The following FHIP2B variants were observed in gnomAD, a reference collection of about 807,000 sequenced individuals.
FHIP2B encodes FHF complex subunit HOOK interacting protein 2B, also known as FHF complex subunit HOOK-interacting protein 2B.
Under a neutral mutation model 84.0 loss-of-function variants are expected in FHIP2B, and 72 were observed. The observed-to-expected ratio is 0.86, with a 90% CI of 0.71 to 1.04. The LOEUF is 1.04. Among genes scored for constraint, FHIP2B ranks in the 50% least tolerant of loss-of-function variants. FHIP2B has a pLI of 0.00. For synonymous variants in FHIP2B, 497 were observed against 418.7 expected (o/e 1.19, Z -2.28); for missense variants, 972 against 968.9 (o/e 1.00, Z -0.04).
rs775878886 is a variant in FHIP2B, at chr8:22,098,126, A to G, written c.584A>G (p.Asp195Gly). The G allele has an allele frequency of 1.3e-6, 2 of 1,586,382 alleles. No homozygotes were observed. The highest frequency in any genetic ancestry group is 2.3e-5 in the South Asian group (2 of 87,170). Reference protein sequence around the residue: ...ACGEPTALPKDTTSHGDKDCS... With the variant: ...ACGEPTALPKGTTSHGDKDCS... ...GGAGAACCCACTGCCCTGCCTAAGG[A>G]CACAACCAGCCACGGGGACAAGGAC... Residue 195 changes from aspartate (D) to glycine (G), a missense_variant, in exon 6 of 17, where the codon GAC (aspartate) becomes GGC (glycine). Asp to Gly is a moderately conservative substitution (Grantham distance 94, BLOSUM62 -1). Coordinates refer to ENST00000289921, the MANE Select transcript of FHIP2B (RefSeq NM_022749.7).
Position 22,101,485 on chromosome 8 carries a change from G to A in FHIP2B, c.1662G>A (p.Leu554=). ...VPEEAKTSAF[L]EETGYDTYVH... Reference sequence around the variant, plus strand: ...AGGAAGCCAAGACCTCTGCCTTCCTGGAGGAGACAGGCTATGACACATACG... The same window carrying A: ...AGGAAGCCAAGACCTCTGCCTTCCTAGAGGAGACAGGCTATGACACATACG... Residue 554 remains leucine, a synonymous_variant, in exon 13 of 17, where the codon CTG becomes CTA. Transcript: ENST00000289921. 1 of 1,612,882 alleles carries A rather than the reference G, an allele frequency of 6.2e-7. No homozygotes were observed. The highest frequency in any genetic ancestry group is 8.5e-7 in the Non-Finnish European group (1 of 1,179,322).
At chr8:22,100,804 A>G (rs1396670211) in intron 11 of FHIP2B, 40 bp from the exon 12 acceptor site, 5 of 1,613,166 alleles carry the variant, frequency 3.1e-6, no homozygotes, top group South Asian at 1.1e-5. Flanking sequence ...CACTCTGTCC[A>G]TTCATTCACT....
intron 1 of FHIP2B, among the ~76,000 whole-genome samples, chr8:22,093,708 C>CTTTTT (rs59841460): frequency 0.14 from 9,199 of 66,292 alleles, 2,804 homozygotes; most frequent in African/African-American, 0.16. Flanking sequence ...AAAGCTTTGT[C>CTTTTT]TTTTTTTTTT....
intron 1 of FHIP2B, among the ~76,000 whole-genome samples, chr8:22,093,316 GTGTTGT>G (rs200310668): frequency 9.2e-5 from 14 of 151,360 alleles, no homozygotes; most frequent in African/African-American, 1.7e-4. Flanking sequence ...CGAAGGAATG[GTGTTGT>G]TGTTGTTGTT....
intron 9 of FHIP2B, 143 bp downstream of exon 9, chr8:22,099,503 GC>G: frequency 9.1e-7 from 1 of 1,093,528 alleles, no homozygotes; most frequent in Non-Finnish European, 1.3e-6. Context: ...TGCCAGGCCT[GC>G]CCCATGATGT....
At chr8:22,098,710 T>C (rs1375494977) in intron 7 of FHIP2B, 91 bp downstream of exon 7, 2 of 1,333,600 alleles carry the variant, frequency 1.5e-6, no homozygotes, top group Non-Finnish European at 2.0e-6. Context: ...GGGTTCCACG[T>C]TGCTAGGGAC....
chr8:22,097,905 T>A, intron 5 of FHIP2B, 66 bp downstream of exon 5: 1 of 1,585,330 alleles, frequency 6.3e-7, no homozygotes, highest in Non-Finnish European at 8.6e-7. Flanking sequence ...CCCTCTGCCC[T>A]CCTGAGGAGG....
At chr8:22,092,136 A>G (rs1825523877) in intron 1 of FHIP2B, among the ~76,000 whole-genome samples, 2 of 152,228 alleles carry the variant, frequency 1.3e-5, no homozygotes, top group African/African-American at 4.8e-5. Flanking sequence ...GCAAGAAGAC[A>G]AGATGCCCTG....
At position 22,098,279 on chromosome 8, in the gene FHIP2B, T is replaced by C. The variant is rs1028441106; in HGVS notation, c.737T>C (p.Ile246Thr). ...GGTGGGACCACAGAGAGCAACCTGATTACCTCCCTGCTTGGGCTGTGCCAG... is the reference window on the plus strand; with the variant it reads ...GGTGGGACCACAGAGAGCAACCTGACTACCTCCCTGCTTGGGCTGTGCCAG... The part of the protein sequence containing the change: ...LDGGTTESNL[I>T]TSLLGLCQSK... The change falls in exon 6 of 17, where the codon ATT becomes ACT. Residue 246 changes from isoleucine (I) to threonine (T), a missense_variant. By Grantham distance (89) the Ile-to-Thr change is moderately conservative. Transcript: ENST00000289921. The C allele has an allele frequency of 1.3e-6, 2 of 1,580,180 alleles. No homozygotes were observed. The highest frequency in any genetic ancestry group is 1.7e-6 in the Non-Finnish European group (2 of 1,162,632).
At chr8:22,100,539 C>T (rs1321314670) in intron 10 of FHIP2B, 55 bp from the exon 11 acceptor site, 4 of 1,482,424 alleles carry the variant, frequency 2.7e-6, no homozygotes, top group East Asian at 2.4e-5. Flanking sequence ...TGCCAAGGCA[C>T]CCCTGGGAGC....
rs1825900992 is a variant in FHIP2B at position 22,098,268 on chromosome 8, G to A, written c.726G>A (p.Glu242=). The A allele has an allele frequency of 1.3e-6, 2 of 1,584,644 alleles. No individual in the cohort carries two copies. Among genetic ancestry groups the A allele is most frequent in the Non-Finnish European group, 1.7e-6 (2 of 1,165,806 alleles). ...AGGAGCTGGACGGTGGGACCACAGA[G>A]AGCAACCTGATTACCTCCCTGCTTG... The part of the protein sequence containing the change: ...ETEELDGGTT[E]SNLITSLLGL... The change falls in exon 6 of 17, where the codon GAG becomes GAA. Residue 242 remains glutamate, a synonymous_variant. Transcript: ENST00000289921.
chr8:22,101,281 C>T lies in FHIP2B; in HGVS notation c.1617-159C>T, dbSNP rs145999636. ...CAGGTGATCCGCCCACCTCAGCCTCCCAAAGTGCTGGGATTACAGACATGA... is the reference window on the plus strand; with the variant it reads ...CAGGTGATCCGCCCACCTCAGCCTCTCAAAGTGCTGGGATTACAGACATGA... On this transcript the variant is annotated intron_variant, in intron 12 of 16. Transcript: ENST00000289921. 5.2e-4 allele frequency: 352 copies of T among 673,724 alleles called. 1 individual carries two copies. The African/African-American group carries it at 6.0e-3, about 11-fold the overall frequency. 41.7% of individuals were successfully genotyped at this position (673,724 alleles called of 1,614,324 possible). A position where few individuals can be genotyped will look rare whatever the true frequency, so the allele number is the denominator to read the frequency against.
At chr8:22,094,224 G>T (rs1354649685) in intron 1 of FHIP2B, among the ~76,000 whole-genome samples, 1 of 152,152 alleles carries the variant, frequency 6.6e-6, no homozygotes, top group Non-Finnish European at 1.5e-5. Context: ...GGAGGGAGGG[G>T]TATCTAGGGA....
rs1826111029 is a variant in FHIP2B, at chr8:22,101,501, GAC to G, written c.1682_1683del (p.Thr561IlefsTer32). On this transcript the variant is annotated frameshift_variant, in exon 13 of 17. Transcript: ENST00000289921. LOFTEE classifies it high-confidence loss of function. ...TSAFLEETGY[D>X]TYVHDAYGLF... ...TGCCTTCCTGGAGGAGACAGGCTAT[GAC>G]ACATACGTCCACGATGCTTATGGCC... The G allele has an allele frequency of 3.1e-6, 5 of 1,612,832 alleles. No individual in the cohort carries two copies. Among genetic ancestry groups the G allele is most frequent in the Non-Finnish European group, 4.2e-6 (5 of 1,179,228 alleles).
At chr8:22,097,127 T>C in intron 3 of FHIP2B, 1 of 272,732 alleles carries the variant, frequency 3.7e-6, no homozygotes, top group East Asian at 7.8e-5. Context: ...GACCCAGTCA[T>C]GGAGCACAGT....
intron 1 of FHIP2B, 105 bp downstream of exon 1, chr8:22,089,403 GC>G (rs1480849212): frequency 1.6e-6 from 1 of 638,762 alleles, no homozygotes; most frequent in Non-Finnish European, 1.9e-6. Context: ...GCGGGCGCGG[GC>G]CCCCTCGGGC....
Position 22,098,428 on chromosome 8 carries a change from T to C in FHIP2B, c.774T>C (p.Ser258=), listed in dbSNP as rs1306889440. 1.3e-6 allele frequency: 2 copies of C among 1,591,784 alleles called. No individual in the cohort carries two copies. The highest frequency in any genetic ancestry group is 2.7e-5 in the African/African-American group (2 of 74,034). ...GTTGTATCCTCATCCCCTAGAAGAGTCGGGTGGCCTTGAAGGCCCAGGAGA... is the reference window on the plus strand; with the variant it reads ...GTTGTATCCTCATCCCCTAGAAGAGCCGGGTGGCCTTGAAGGCCCAGGAGA... ...SLLGLCQSKK[S]RVALKAQENL... The change falls in exon 7 of 17, where the codon AGT becomes AGC. Residue 258 remains serine, a synonymous_variant. Transcript: ENST00000289921.
chr8:22,101,386 C>T, intron 12 of FHIP2B, 54 bp from the exon 13 acceptor site: 1 of 1,415,718 alleles, frequency 7.1e-7, no homozygotes, highest in Non-Finnish European at 9.8e-7. Flanking sequence ...GTCCCACAAG[C>T]AGGGGAGAGC....
intron 2 of FHIP2B, 116 bp from the exon 3 acceptor site, chr8:22,096,221 C>T: frequency 1.9e-6 from 2 of 1,026,738 alleles, no homozygotes; most frequent in East Asian, 2.8e-5. Context: ...AGCTGTCTTC[C>T]CCCACCTCTC....
Sources: gnomAD v4.1 joint callset for allele counts (sites outside exome capture counted in the v4.1 genomes callset) on GRCh38, gnomAD v4.1.1 for gene constraint, MANE v1.5 for transcripts, NCBI Gene and HGNC (gene_info 2026-07-23, HGNC 2026-07-21) for gene names.